The following CDC27 variants were observed in gnomAD, a reference collection of about 807,000 sequenced individuals.
CDC27 encodes the protein cell division cycle protein 27 homolog.
In CDC27, 27 loss-of-function variants were observed where a neutral mutation model predicts 109.7. The observed-to-expected ratio is 0.25, with a 90% CI of 0.18 to 0.34. CDC27 has a LOEUF of 0.34. Ranked by LOEUF, CDC27 falls within the 10% of genes least tolerant of loss-of-function variation. The probability of loss-of-function intolerance (pLI) is 1.00; values close to 1 mark genes in which losing one functional copy is unlikely to be tolerated. For missense variants in CDC27, 579 were observed against 960.2 expected (o/e 0.60, Z 5.25); for synonymous variants, 266 against 333.9 (o/e 0.80, Z 2.22).
intron 17 of CDC27, among the ~76,000 whole-genome samples, chr17:47,123,402 C>CTTTTTTTTTTTTTTTTTTTTTTT (rs57868315): frequency 4.1e-5 from 5 of 123,002 alleles, no homozygotes; most frequent in Non-Finnish European, 5.0e-5. Context: ...TTTTTTTCTA[C>CTTTTTTTTTTTTTTTTTTTTTTT]TTTTTTTTTT....
intron 4 of CDC27, among the ~76,000 whole-genome samples, chr17:47,161,287 A>C (rs956275921): frequency 6.6e-6 from 1 of 152,050 alleles, no homozygotes; most frequent in African/African-American, 2.4e-5. Flanking sequence ...ACTGGCCTGA[A>C]ATTTCTTAAA....
chr17:47,152,054 T>C, intron 8 of CDC27, 136 bp from the exon 9 acceptor site: 1 of 562,560 alleles, frequency 1.8e-6, no homozygotes, highest in Admixed American at 4.3e-5. Flanking sequence ...ATAAACTATT[T>C]ATATCATATT....
At chr17:47,176,467 T>A (rs1348009046) in intron 2 of CDC27, among the ~76,000 whole-genome samples, 1 of 152,216 alleles carries the variant, frequency 6.6e-6, no homozygotes, top group African/African-American at 2.4e-5. Flanking sequence ...CTCTTAAGTA[T>A]TTTAAAACCA....
intron 5 of CDC27, 55 bp downstream of exon 5, chr17:47,158,151 G>C (rs1472826523): frequency 1.5e-6 from 1 of 661,472 alleles, no homozygotes; most frequent in African/African-American, 1.9e-5. Context: ...TTAAGTAGCA[G>C]GAAAAAAAGA....
At chr17:47,140,811 G>A (rs1458790848) in intron 12 of CDC27, among the ~76,000 whole-genome samples, 1 of 152,134 alleles carries the variant, frequency 6.6e-6, no homozygotes, top group Non-Finnish European at 1.5e-5. Flanking sequence ...TCTCTGTTCT[G>A]TACTATTCAA....
At chr17:47,171,458 T>A (rs1598567788) in intron 3 of CDC27, among the ~76,000 whole-genome samples, 1 of 152,332 alleles carries the variant, frequency 6.6e-6, no homozygotes, top group Non-Finnish European at 1.5e-5. Flanking sequence ...ACTATCTGTA[T>A]CTCTAAATGC....
Position 47,144,890 on chromosome 17 carries a change from C to T in CDC27, c.1071-908G>A, listed in dbSNP as rs558710770. On this transcript the variant is annotated intron_variant, in intron 9 of 18. Coordinates refer to ENST00000066544, the MANE Select transcript of CDC27 (RefSeq NM_001256.6). ...TGTATATCACACACACACACACACA[C>T]ACATAAATCCTTTTAATCTGCATCT... 3.3e-5 allele frequency among the ~76,000 whole-genome samples: 5 copies of T among 151,872 alleles called. No homozygotes were observed. In the East Asian group the frequency reaches 9.7e-4, roughly 29 times the overall value.
intron 4 of CDC27, chr17:47,159,668 TG>T (rs2063433689): frequency 4.5e-6 from 2 of 441,428 alleles, no homozygotes; most frequent in Non-Finnish European, 8.3e-6. Context: ...CAGACCGACG[TG>T]GCCATTGTAG....
intron 16 of CDC27, among the ~76,000 whole-genome samples, chr17:47,126,228 G>C (rs577017520): frequency 6.6e-6 from 1 of 152,022 alleles, no homozygotes; most frequent in African/African-American, 2.4e-5. Context: ...CAAGTGACCA[G>C]GGAATGACAC....
intron 16 of CDC27, 132 bp from the exon 17 acceptor site, chr17:47,124,092 G>A (rs2062056810): frequency 1.8e-6 from 1 of 543,250 alleles, no homozygotes; most frequent in Non-Finnish European, 3.2e-6. Flanking sequence ...CTTCCTTATT[G>A]TATTAGTTCT....
Position 47,159,152 on chromosome 17 carries a change from T to TC in CDC27, c.378-850dup, listed in dbSNP as rs2148925528. 1.1e-5 allele frequency: 4 copies of TC among 354,864 alleles called. No individual in the cohort carries two copies. In the East Asian group the frequency reaches 1.6e-4, roughly 14 times the overall value. The allele number at this position is 354,864 out of a possible 1,614,324, so 22.0% of individuals were successfully genotyped here. On this transcript the variant is annotated intron_variant, in intron 4 of 18. Transcript: ENST00000066544. Reference sequence around the variant, plus strand: ...GGTTTTTATTTGTTGTTGTTTTTTTTCCAGGCTTAATTCACTTTATTTTTC... The same window carrying TC: ...GGTTTTTATTTGTTGTTGTTTTTTTTCCCAGGCTTAATTCACTTTATTTTTC...
At chr17:47,128,256 T>C (rs1329250679) in intron 16 of CDC27, among the ~76,000 whole-genome samples, 1 of 152,086 alleles carries the variant, frequency 6.6e-6, no homozygotes, top group Non-Finnish European at 1.5e-5. Context: ...GTCTCGAACT[T>C]CTGACCTCAA....
At chr17:47,176,609 TGTGTAAA>T (rs1598590637) in intron 2 of CDC27, among the ~76,000 whole-genome samples, 2 of 152,206 alleles carry the variant, frequency 1.3e-5, no homozygotes, top group Admixed American at 1.3e-4. Context: ...CTTTGTAAAC[TGTGTAAA>T]GATTTAGGAA....
At chr17:47,160,110 GTTTC>G (rs1466289784) in intron 4 of CDC27, 3 of 175,962 alleles carry the variant, frequency 1.7e-5, no homozygotes, top group Non-Finnish European at 3.5e-5. Context: ...GAAAATTTAT[GTTTC>G]TTTCTAAATC....
At chr17:47,158,358 T>C in intron 4 of CDC27, 55 bp from the exon 5 acceptor site, 2 of 867,340 alleles carry the variant, frequency 2.3e-6, no homozygotes, top group South Asian at 2.5e-5. Flanking sequence ...ACCTGTATCA[T>C]AAACTTTTAG....
Position 47,143,936 on chromosome 17 carries a change from C to A in CDC27, c.1117G>T (p.Ala373Ser). ...LSPTITSPPN[A>S]LPRRSSRLFT... ...AGTCGTGAACTTCTTCGAGGCAGTG[C>A]GTTTGGGGGAGATGTAATAGTGGGG... Residue 373 changes from alanine (A) to serine (S), a missense_variant, in exon 10 of 19, where the codon GCA becomes TCA. Physicochemically the swap from Ala to Ser is moderately conservative, Grantham distance 99. This residue lies in a region of CDC27 where 51 missense variants were observed against 43.8 expected (regional missense o/e 1.16). Transcript: ENST00000066544. 1 of 1,492,838 alleles carries A rather than the reference C, an allele frequency of 6.7e-7. No homozygotes were observed. The highest frequency in any genetic ancestry group is 9.0e-7 in the Non-Finnish European group (1 of 1,114,278). 92.5% of individuals were successfully genotyped at this position (1,492,838 alleles called of 1,614,324 possible).
At chr17:47,148,806 G>A (rs78096575) in intron 9 of CDC27, among the ~76,000 whole-genome samples, 11,718 of 152,146 alleles carry the variant, frequency 0.077, 636 homozygotes, top group South Asian at 0.19. Context: ...TTGGCCAGGC[G>A]TAGTGGCTCA....
rs546672522 is a variant in CDC27, at chr17:47,127,292, C to T, written c.2160+2101G>A. Among the ~76,000 whole-genome samples the T allele has an allele frequency of 2.6e-5, 4 of 152,022 alleles. No homozygotes were observed. The East Asian group carries it at 7.7e-4, about 29-fold the overall frequency. On this transcript the variant is annotated intron_variant, in intron 16 of 18. Coordinates refer to ENST00000066544, the MANE Select transcript of CDC27 (RefSeq NM_001256.6). The stretch of plus-strand genomic sequence containing the variant: ...AAGAAAGACAAGCTTTTTAAAAGGA[C>T]AAAACCAGTAAAAATAGAAACCCGT...
chr17:47,147,774 G>A (rs1294718157), intron 9 of CDC27, among the ~76,000 whole-genome samples: 2 of 151,994 alleles, frequency 1.3e-5, no homozygotes, highest in African/African-American at 4.8e-5. Flanking sequence ...GGTGGCATGT[G>A]CCTGTAGTCC....
Sources: gnomAD v4.1 joint callset for allele counts (sites outside exome capture counted in the v4.1 genomes callset) on GRCh38, gnomAD v4.1.1 for gene constraint, gnomAD v4.1.1 regional missense constraint, MANE v1.5 for transcripts, NCBI Gene and HGNC (gene_info 2026-07-23, HGNC 2026-07-21) for gene names.